UBR3: variants seen among roughly 807,000 people sequenced by gnomAD.
UBR3 encodes ubiquitin protein ligase E3 component n-recognin 3.
In UBR3, 85 loss-of-function variants were observed where a neutral mutation model predicts 243.2. The observed-to-expected ratio is 0.35, with a 90% CI of 0.29 to 0.42. The LOEUF (loss-of-function observed/expected upper bound fraction) is 0.42, where lower values mean the gene tolerates loss of function less well. Among genes scored for constraint, UBR3 ranks in the 10% least tolerant of loss-of-function variants. The pLI is 1.00. For missense variants in UBR3, 1,686 were observed against 2,300.8 expected (o/e 0.73, Z 5.47); for synonymous variants, 748 against 799.8 (o/e 0.94, Z 1.09).
chr2:169,828,368 G>A (rs1264306439), intron 1 of UBR3, among the ~76,000 whole-genome samples: 2 of 152,146 alleles, frequency 1.3e-5, no homozygotes, highest in Non-Finnish European at 2.9e-5. Flanking sequence ...GATTTTTGGG[G>A]AAGCTCGTGT....
chr2:170,069,031 T>C (rs1001522708), intron 35 of UBR3, among the ~76,000 whole-genome samples: 8 of 152,098 alleles, frequency 5.3e-5, no homozygotes, highest in African/African-American at 1.7e-4. Flanking sequence ...AAGATAACAT[T>C]GTGGTAAACT....
Position 169,877,495 on chromosome 2 carries a change from T to G in UBR3, c.846T>G (p.Gly282=). Residue 282 remains glycine (G), a splice_region_variant and synonymous_variant, in exon 4 of 39, where the codon GGT becomes GGG. Coordinates refer to ENST00000272793, the MANE Select transcript of UBR3 (RefSeq NM_172070.4). ...TGATTTGAAGTTTGTTTTAATTAGG[T>G]CTTGGAGAAAATGCTTGTGTAAAGA... is the stretch of plus-strand genomic sequence containing the variant. ...NQQNYKDLTS[G]LGENACVKKS... is the part of the protein sequence containing the mutation. 2 of 1,527,108 alleles carry G rather than the reference T, an allele frequency of 1.3e-6. No homozygotes were observed. The highest frequency in any genetic ancestry group is 1.8e-6 in the Non-Finnish European group (2 of 1,141,570). 94.6% of individuals were successfully genotyped at this position (1,527,108 alleles called of 1,614,324 possible).
chr2:169,961,890 T>G (rs868428526), intron 24 of UBR3, among the ~76,000 whole-genome samples: 2 of 149,966 alleles, frequency 1.3e-5, no homozygotes, highest in Non-Finnish European at 1.5e-5. Context: ...TTTTTTTTTT[T>G]GATAACTGGT....
At chr2:170,065,941 G>A (rs886260147) in intron 35 of UBR3, among the ~76,000 whole-genome samples, 2 of 147,632 alleles carry the variant, frequency 1.4e-5, no homozygotes, top group African/African-American at 2.5e-5. Context: ...CCCACCCCCC[G>A]CAAAAAAAAT....
intron 23 of UBR3, among the ~76,000 whole-genome samples, chr2:169,951,574 A>T (rs2087032442): frequency 6.6e-6 from 1 of 152,168 alleles, no homozygotes; most frequent in South Asian, 2.1e-4. Context: ...GAGTAGTAGG[A>T]CATAAGGCTA....
intron 32 of UBR3, among the ~76,000 whole-genome samples, chr2:170,049,587 A>T (rs371311066): frequency 6.6e-6 from 1 of 152,168 alleles, no homozygotes; most frequent in Non-Finnish European, 1.5e-5. Flanking sequence ...TGTTTTTAAG[A>T]TAGGAGAATT....
intron 32 of UBR3, among the ~76,000 whole-genome samples, chr2:170,041,683 T>C (rs538524410): frequency 6.6e-6 from 1 of 152,292 alleles, no homozygotes; most frequent in African/African-American, 2.4e-5. Context: ...AACTAGTTTT[T>C]ATTTTGTTTA....
chr2:169,976,032 T>A (rs903699828), intron 24 of UBR3, among the ~76,000 whole-genome samples: 10 of 152,074 alleles, frequency 6.6e-5, no homozygotes, highest in Admixed American at 1.3e-4. Flanking sequence ...ATTTTTTTTT[T>A]AATTCCTTTA....
At chr2:170,015,709 A>G (rs13403895) in intron 30 of UBR3, among the ~76,000 whole-genome samples, 10,322 of 151,970 alleles carry the variant, frequency 0.068, 371 homozygotes, top group Non-Finnish European at 0.086. Flanking sequence ...AAGACAATAT[A>G]TGTTACCCAC....
intron 24 of UBR3, among the ~76,000 whole-genome samples, chr2:169,985,472 C>G (rs916371134): frequency 6.6e-6 from 1 of 152,012 alleles, no homozygotes; most frequent in Non-Finnish European, 1.5e-5. Flanking sequence ...CTCAGGTGAT[C>G]CGCCCGCCTC....
chr2:169,942,727 T>C, intron 20 of UBR3, 93 bp downstream of exon 20: 1 of 1,224,348 alleles, frequency 8.2e-7, no homozygotes, highest in Non-Finnish European at 1.1e-6. Context: ...GTACCACTTA[T>C]AAAGCAAAGT....
intron 1 of UBR3, among the ~76,000 whole-genome samples, chr2:169,831,127 A>ATTTTTTTTT (rs34139528): frequency 1.8e-5 from 1 of 56,478 alleles, no homozygotes. Flanking sequence ...ATATATATAT[A>ATTTTTTTTT]TTTTTTTTTT....
chr2:169,878,302 A>T (rs1344491012), intron 4 of UBR3, among the ~76,000 whole-genome samples: 1 of 151,456 alleles, frequency 6.6e-6, no homozygotes, highest in Non-Finnish European at 1.5e-5. Flanking sequence ...TGGAGGTTGC[A>T]GTGAGGTGAG....
intron 37 of UBR3, 39 bp downstream of exon 37, chr2:170,080,062 A>C (rs764366937): frequency 6.4e-7 from 1 of 1,559,194 alleles, no homozygotes; most frequent in Non-Finnish European, 8.7e-7. Flanking sequence ...ATGAAAACAC[A>C]GATCTCATAT....
chr2:170,040,200 A>G (rs2090932821), intron 31 of UBR3, among the ~76,000 whole-genome samples: 1 of 152,152 alleles, frequency 6.6e-6, no homozygotes, highest in African/African-American at 2.4e-5. Flanking sequence ...GTGCAGCAGC[A>G]CAATCACAGC....
At chr2:169,904,757 A>G (rs535992481) in intron 8 of UBR3, among the ~76,000 whole-genome samples, 1 of 152,324 alleles carries the variant, frequency 6.6e-6, no homozygotes, top group South Asian at 2.1e-4. Context: ...ATTTCAACAG[A>G]AAATACTGCA....
chr2:169,914,838 A>T (rs1382864720), intron 11 of UBR3, among the ~76,000 whole-genome samples: 1 of 131,704 alleles, frequency 7.6e-6, no homozygotes, highest in African/African-American at 2.9e-5. Flanking sequence ...GGGCAGGCAA[A>T]TTTTATCTCT....
intron 27 of UBR3, among the ~76,000 whole-genome samples, chr2:170,006,400 T>G (rs968071488): frequency 6.6e-6 from 1 of 152,196 alleles, no homozygotes; most frequent in African/African-American, 2.4e-5. Flanking sequence ...AAAAAGTTAA[T>G]GTCAAAAAGT....
chr2:170,057,206 C>T (rs1358324738), intron 33 of UBR3, among the ~76,000 whole-genome samples: 1 of 151,758 alleles, frequency 6.6e-6, no homozygotes, highest in African/African-American at 2.4e-5. Flanking sequence ...GCCTCAACCT[C>T]CTGGGCCCAA....
Sources: gnomAD v4.1 joint callset for allele counts (sites outside exome capture counted in the v4.1 genomes callset) on GRCh38, gnomAD v4.1.1 for gene constraint, MANE v1.5 for transcripts, NCBI Gene and HGNC (gene_info 2026-07-23, HGNC 2026-07-21) for gene names.